The following NBEAL1 variants were observed in gnomAD, a reference collection of about 807,000 sequenced individuals.
The protein encoded by NBEAL1 is neurobeachin-like protein 1.
NBEAL1 carries 273 observed loss-of-function variants against 351.3 expected under a neutral mutation model. That is an observed-to-expected ratio of 0.78 (90% CI 0.70 to 0.86). NBEAL1 has a LOEUF of 0.86. Ranked by LOEUF, NBEAL1 falls within the 40% of genes least tolerant of loss-of-function variation. NBEAL1 has a pLI of 0.00. For synonymous variants in NBEAL1, 1,050 were observed against 1,086.4 expected (o/e 0.97, Z 0.66); for missense variants, 2,961 against 3,201.3 (o/e 0.92, Z 1.81).
chr2:203,160,426 GTC>G (rs1321420425), intron 36 of NBEAL1, among the ~76,000 whole-genome samples: 2 of 152,076 alleles, frequency 1.3e-5, no homozygotes, highest in East Asian at 3.9e-4. Context: ...TTTATTGATA[GTC>G]TCTATTTGAT....
In NBEAL1 at chr2:203,199,353, A is replaced by G. The variant is rs771151112; in HGVS notation, c.7144A>G (p.Asn2382Asp). ...TCTTTTCCAGATAACAATAAGCATG[A>G]ATTATGTTATTGGAACCCATGGATG... is the stretch of plus-strand genomic sequence containing the variant. ...SPELLITISM[N>D]YVIGTHGWLP... Residue 2382 changes from asparagine to aspartate, a missense_variant, in exon 49 of 56, where the codon AAT (asparagine) becomes GAT (aspartate). Asn to Asp is a conservative substitution (Grantham distance 23, BLOSUM62 1). Coordinates refer to ENST00000683969, the MANE Select transcript of NBEAL1 (RefSeq NM_001378026.1). 4 of 1,581,220 alleles carry G rather than the reference A, an allele frequency of 2.5e-6. No homozygotes were observed. The highest frequency in any genetic ancestry group is 3.5e-6 in the Non-Finnish European group (4 of 1,152,754).
At chr2:203,051,537 C>G (rs2061323098) in intron 4 of NBEAL1, among the ~76,000 whole-genome samples, 1 of 148,900 alleles carries the variant, frequency 6.7e-6, no homozygotes, top group Admixed American at 6.7e-5. Context: ...CGGAGCGAGA[C>G]TCTTCTCAAA....
At chr2:203,057,022 T>C (rs1396881143) in intron 5 of NBEAL1, among the ~76,000 whole-genome samples, 2 of 152,236 alleles carry the variant, frequency 1.3e-5, no homozygotes, top group Non-Finnish European at 2.9e-5. Flanking sequence ...TATACTGTTA[T>C]TTAATTTAAA....
chr2:203,088,178 T>G (rs2062002928), intron 10 of NBEAL1, among the ~76,000 whole-genome samples: 1 of 152,220 alleles, frequency 6.6e-6, no homozygotes, highest in African/African-American at 2.4e-5. Flanking sequence ...CTACTCTCCT[T>G]TTCTGTATAA....
chr2:203,175,006 T>C, intron 41 of NBEAL1, 141 bp from the exon 42 acceptor site: 2 of 686,578 alleles, frequency 2.9e-6, no homozygotes, highest in Non-Finnish European at 4.7e-6. Flanking sequence ...TATAATGATA[T>C]GAATACAGAG....
intron 18 of NBEAL1, among the ~76,000 whole-genome samples, chr2:203,117,682 C>T (rs1019635190): frequency 2.0e-5 from 3 of 152,074 alleles, no homozygotes; most frequent in Non-Finnish European, 4.4e-5. Context: ...TACTCCACCA[C>T]CCCACACCGT....
At chr2:203,119,672 C>G (rs777226641) in intron 18 of NBEAL1, among the ~76,000 whole-genome samples, 1 of 151,898 alleles carries the variant, frequency 6.6e-6, no homozygotes, top group African/African-American at 2.4e-5. Context: ...GTGATCTGCC[C>G]GCCTTGGCCT....
At chr2:203,075,296 T>G (rs928108929) in intron 7 of NBEAL1, among the ~76,000 whole-genome samples, 3 of 152,236 alleles carry the variant, frequency 2.0e-5, no homozygotes, top group African/African-American at 7.2e-5. Context: ...CTTTTCATCA[T>G]GAATAACATT....
intron 6 of NBEAL1, among the ~76,000 whole-genome samples, chr2:203,068,018 T>G (rs1428778337): frequency 6.6e-6 from 1 of 152,190 alleles, no homozygotes; most frequent in Admixed American, 6.5e-5. Flanking sequence ...AGTGGCAGAG[T>G]AGCCTGGATT....
At position 203,083,528 on chromosome 2, in the gene NBEAL1, A is replaced by G; in HGVS notation, c.991+3A>G. On this transcript the variant is annotated splice_donor_region_variant and intron_variant, in intron 9 of 55. Transcript: ENST00000683969. Reference sequence around the variant, plus strand: ...TGCTCTACAGATCAAAATGCTGAGTAAGTATTACATAATGACAACTTTTTC... The same window carrying G: ...TGCTCTACAGATCAAAATGCTGAGTGAGTATTACATAATGACAACTTTTTC... 1 of 1,522,624 alleles carries G rather than the reference A, an allele frequency of 6.6e-7. No homozygotes were observed. The allele number at this position is 1,522,624 out of a possible 1,614,324, so 94.3% of individuals were successfully genotyped here.
intron 44 of NBEAL1, among the ~76,000 whole-genome samples, chr2:203,186,888 G>T (rs2064912256): frequency 6.6e-6 from 1 of 152,168 alleles, no homozygotes; most frequent in African/African-American, 2.4e-5. Context: ...ATGCTCTTAA[G>T]ATTCCTAGAC....
At chr2:203,130,539 C>A (rs1202793755) in intron 25 of NBEAL1, 63 bp downstream of exon 25, 2 of 1,079,098 alleles carry the variant, frequency 1.9e-6, no homozygotes, top group South Asian at 3.3e-5. Flanking sequence ...AATTTTCTTG[C>A]AATATATCCA....
At position 203,062,496 on chromosome 2, in the gene NBEAL1, G is replaced by C; in HGVS notation, c.515+5043G>C. 1 of 324,540 alleles carries C rather than the reference G, an allele frequency of 3.1e-6. No homozygotes were observed. The highest frequency in any genetic ancestry group is 6.0e-6 in the Non-Finnish European group (1 of 167,636). 20.1% of individuals were successfully genotyped at this position (324,540 alleles called of 1,614,324 possible). On this transcript the variant is annotated intron_variant, in intron 6 of 55. Transcript: ENST00000683969. The surrounding 1 kb of genome is among the most constrained non-coding windows in gnomAD (Gnocchi z 4.2). Reference sequence around the variant, plus strand: ...CAGAGGCTGCCCCAGAACCACCTAAGGCCTCTCAGAGCTGAGGAGAGGGAG... The same window carrying C: ...CAGAGGCTGCCCCAGAACCACCTAACGCCTCTCAGAGCTGAGGAGAGGGAG...
chr2:203,111,881 A>G lies in NBEAL1; in HGVS notation c.2083-98A>G, dbSNP rs1025990911. 4 of 1,310,052 alleles carry G rather than the reference A, an allele frequency of 3.1e-6. No individual in the cohort carries two copies. The African/African-American group carries it at 4.5e-5, about 15-fold the overall frequency. The allele number at this position is 1,310,052 out of a possible 1,614,324, so 81.2% of individuals were successfully genotyped here. On this transcript the variant is annotated intron_variant, in intron 15 of 55. Transcript: ENST00000683969. ...CATTTACGTTTAATCTTAACGTTCT[A>G]CTATTTGTACAAATTATAGAGCAAA...
At chr2:203,076,354 G>A (rs1284950526) in intron 7 of NBEAL1, among the ~76,000 whole-genome samples, 2 of 151,718 alleles carry the variant, frequency 1.3e-5, no homozygotes, top group African/African-American at 2.4e-5. Context: ...TCATGGTAGC[G>A]TGTGCCTGTA....
chr2:203,148,364 G>A (rs1226624857), intron 33 of NBEAL1, among the ~76,000 whole-genome samples: 1 of 151,986 alleles, frequency 6.6e-6, no homozygotes, highest in Non-Finnish European at 1.5e-5. Context: ...TCCAAGGCAT[G>A]TATTTTTAAC....
chr2:203,102,525 G>C (rs922545657), intron 12 of NBEAL1, among the ~76,000 whole-genome samples: 2 of 152,264 alleles, frequency 1.3e-5, no homozygotes, highest in South Asian at 4.1e-4. Context: ...AAGCGATGCT[G>C]AATTTTATTG....
rs572191418 is a variant in NBEAL1 at position 203,217,818 on chromosome 2, C to T, written c.*464C>T. ...GATAATATTTTAAAGGTATCTGTTGCACACTTGGATTTTCAAAACTCGGTG... is the reference window on the plus strand; with the variant it reads ...GATAATATTTTAAAGGTATCTGTTGTACACTTGGATTTTCAAAACTCGGTG... On this transcript the variant is annotated 3_prime_UTR_variant, in exon 56 of 56. Transcript: ENST00000683969. The T allele has an allele frequency of 4.2e-5, 41 of 984,988 alleles. No individual in the cohort carries two copies. In the African/African-American group the frequency reaches 6.6e-4, roughly 16 times the overall value. The allele number at this position is 984,988 out of a possible 1,614,324, so 61.0% of individuals were successfully genotyped here.
intron 7 of NBEAL1, among the ~76,000 whole-genome samples, chr2:203,076,590 T>TTG (rs1303097285): frequency 1.4e-3 from 8 of 5,596 alleles, no homozygotes; most frequent in African/African-American, 1.4e-3. Context: ...TACTATGTAC[T>TTG]TTTTTTTTTT....
Sources: gnomAD v4.1 joint callset for allele counts (sites outside exome capture counted in the v4.1 genomes callset) on GRCh38, gnomAD v4.1.1 for gene constraint, Gnocchi (gnomAD v3.1) non-coding constraint, MANE v1.5 for transcripts, NCBI Gene and HGNC (gene_info 2026-07-23, HGNC 2026-07-21) for gene names.